Variants in AHCYL2 observed in about 807,000 individuals in gnomAD.
The protein encoded by AHCYL2 is adenosylhomocysteinase like 2.
A neutral mutation model predicts 81.4 loss-of-function variants in AHCYL2; 28 were observed. That is an observed-to-expected ratio of 0.34 (90% CI 0.25 to 0.47). The LOEUF is 0.47. AHCYL2 is among the 20% of genes least tolerant of loss of function. AHCYL2 has a pLI of 1.00. For synonymous variants in AHCYL2, 272 were observed against 290.2 expected (o/e 0.94, Z 0.64); for missense variants, 551 against 785.1 (o/e 0.70, Z 3.56).
At chr7:129,333,350 G>T (rs192577110) in intron 1 of AHCYL2, among the ~76,000 whole-genome samples, 56 of 151,068 alleles carry the variant, frequency 3.7e-4, no homozygotes, top group African/African-American at 1.1e-3. Flanking sequence ...AAGTTCCAAG[G>T]TGTCTAATTG....
At chr7:129,400,240 T>C (rs377182906) in intron 5 of AHCYL2, 50 bp from the exon 6 acceptor site, 2 of 1,531,542 alleles carry the variant, frequency 1.3e-6, no homozygotes, top group Admixed American at 1.7e-5. Flanking sequence ...AATTAGGGGG[T>C]CAGCCTTTTT....
At chr7:129,318,038 T>C (rs1273028576) in intron 1 of AHCYL2, among the ~76,000 whole-genome samples, 6 of 152,240 alleles carry the variant, frequency 3.9e-5, no homozygotes, top group African/African-American at 1.4e-4. Flanking sequence ...TATTTTCTAA[T>C]GGCTCTTTTA....
chr7:129,340,009 C>T (rs1053406121), intron 1 of AHCYL2, among the ~76,000 whole-genome samples: 7 of 147,960 alleles, frequency 4.7e-5, no homozygotes, highest in Admixed American at 1.4e-4. Flanking sequence ...AGCTCCGCCT[C>T]CCGGGTTCAC....
At chr7:129,306,002 T>C (rs1171179023) in intron 1 of AHCYL2, among the ~76,000 whole-genome samples, 1 of 152,210 alleles carries the variant, frequency 6.6e-6, no homozygotes, top group Non-Finnish European at 1.5e-5. Context: ...TCTTTTCTCT[T>C]CCTGCTTTTA....
At chr7:129,270,604 G>C (rs897773085) in intron 1 of AHCYL2, among the ~76,000 whole-genome samples, 1 of 152,158 alleles carries the variant, frequency 6.6e-6, no homozygotes, top group Non-Finnish European at 1.5e-5. Flanking sequence ...AAAATGATGA[G>C]GGCATTGAAA....
chr7:129,335,463 G>A (rs887727459), intron 1 of AHCYL2, among the ~76,000 whole-genome samples: 30 of 152,160 alleles, frequency 2.0e-4, no homozygotes, highest in Non-Finnish European at 2.2e-4. Flanking sequence ...AGTTAGTGTT[G>A]TTGCATAGCA....
At chr7:129,354,239 A>G (rs2150834225) in intron 1 of AHCYL2, among the ~76,000 whole-genome samples, 1 of 152,350 alleles carries the variant, frequency 6.6e-6, no homozygotes, top group Non-Finnish European at 1.5e-5. Context: ...ATGGGAAGAG[A>G]GGATCTTCCA....
intron 4 of AHCYL2, among the ~76,000 whole-genome samples, chr7:129,391,851 A>G (rs1795485705): frequency 6.6e-6 from 1 of 152,212 alleles, no homozygotes; most frequent in Admixed American, 6.5e-5. Flanking sequence ...CTCTGAGGAC[A>G]AGAGTACCCT....
At chr7:129,374,537 G>A (rs1269817484) in intron 1 of AHCYL2, among the ~76,000 whole-genome samples, 1 of 151,410 alleles carries the variant, frequency 6.6e-6, no homozygotes, top group African/African-American at 2.4e-5. Context: ...GCTGGGTACA[G>A]TGGCTCATGC....
intron 1 of AHCYL2, among the ~76,000 whole-genome samples, chr7:129,252,777 ATAGC>A (rs575210306): frequency 9.2e-5 from 14 of 151,988 alleles, no homozygotes; most frequent in South Asian, 2.1e-4. Context: ...TGATTGATTG[ATAGC>A]TAGGTAGGTA....
At chr7:129,418,828 T>C (rs947370272) in intron 12 of AHCYL2, among the ~76,000 whole-genome samples, 3 of 152,184 alleles carry the variant, frequency 2.0e-5, no homozygotes, top group African/African-American at 7.2e-5. Flanking sequence ...GTTCTTTCAG[T>C]ATTTCTGACT....
In AHCYL2 at chr7:129,410,512, C is replaced by T; in HGVS notation, c.1366+966C>T. On this transcript the variant is annotated intron_variant, in intron 11 of 16. Transcript: ENST00000325006. ...GTTCCAGCTACAGAGTTAAAAGGTA[C>T]AGTCATAATCTCTTTTCAAGCCGAC... The T allele has an allele frequency of 5.6e-6, 5 of 892,076 alleles. No individual in the cohort carries two copies. The South Asian group carries it at 6.5e-5, about 12-fold the overall frequency. The allele number at this position is 892,076 out of a possible 1,614,324, so 55.3% of individuals were successfully genotyped here. A position where few individuals can be genotyped will look rare whatever the true frequency, so the allele number is the denominator to read the frequency against.
chr7:129,255,262 A>G (rs1004803659), intron 1 of AHCYL2, among the ~76,000 whole-genome samples: 4 of 152,338 alleles, frequency 2.6e-5, no homozygotes, highest in Non-Finnish European at 4.4e-5. Flanking sequence ...GTCTGTCTCA[A>G]AAAAAGAAAA....
intron 1 of AHCYL2, among the ~76,000 whole-genome samples, chr7:129,254,266 C>G (rs1342447933): frequency 6.6e-6 from 1 of 152,056 alleles, no homozygotes; most frequent in Non-Finnish European, 1.5e-5. Context: ...AATTAGAGTA[C>G]CTTAGGTACA....
intron 5 of AHCYL2, among the ~76,000 whole-genome samples, chr7:129,398,607 GACCTCAGATGATCT>G (rs927221419): frequency 1.3e-4 from 19 of 147,596 alleles, no homozygotes; most frequent in Non-Finnish European, 2.2e-4. Flanking sequence ...TCGAACTCCT[GACCTCAGATGATCT>G]GCCTGCCTCG....
intron 1 of AHCYL2, among the ~76,000 whole-genome samples, chr7:129,312,043 C>T (rs1247934847): frequency 2.0e-5 from 3 of 152,136 alleles, no homozygotes; most frequent in African/African-American, 4.8e-5. Context: ...GGCTGGAGTA[C>T]AGTGGTGCAG....
rs778983471 is a variant in AHCYL2 at position 129,397,332 on chromosome 7, C to G, written c.823+8C>G. 1.2e-6 allele frequency: 2 copies of G among 1,613,090 alleles called. No individual in the cohort carries two copies. Among genetic ancestry groups the G allele is most frequent in the East Asian group, 2.2e-5 (1 of 44,872 alleles). On this transcript the variant is annotated splice_region_variant and intron_variant, in intron 5 of 16. Transcript: ENST00000325006. Reference sequence around the variant, plus strand: ...CTGCTCTAGCAGAAAGTGGTAAGAGCTTATTCTCTGTGCCTTTGGCTAAAG... The same window carrying G: ...CTGCTCTAGCAGAAAGTGGTAAGAGGTTATTCTCTGTGCCTTTGGCTAAAG...
intron 1 of AHCYL2, among the ~76,000 whole-genome samples, chr7:129,315,647 A>G (rs1207154888): frequency 6.6e-6 from 1 of 152,208 alleles, no homozygotes; most frequent in Non-Finnish European, 1.5e-5. Context: ...AAAGCTATGT[A>G]TTTACCTTTA....
chr7:129,260,558 G>A (rs2150715062), intron 1 of AHCYL2, among the ~76,000 whole-genome samples: 1 of 152,162 alleles, frequency 6.6e-6, no homozygotes, highest in South Asian at 2.1e-4. Context: ...ACTTGTAAGA[G>A]GTCATGTTTC....
Sources: gnomAD v4.1 joint callset for allele counts (sites outside exome capture counted in the v4.1 genomes callset) on GRCh38, gnomAD v4.1.1 for gene constraint, MANE v1.5 for transcripts, NCBI Gene and HGNC (gene_info 2026-07-23, HGNC 2026-07-21) for gene names.